Variants in CIMAP3 observed in about 807,000 individuals in gnomAD.
CIMAP3 encodes ciliary microtubule associated protein 3.
the CIMAP3 span, among the ~76,000 whole-genome samples, chr1:111,342,822 G>A: frequency 6.6e-6 from 1 of 152,234 alleles, no homozygotes; most frequent in Admixed American, 6.5e-5. Context: ...GCTTGTTCTG[G>A]GCAGAATGGC....
the CIMAP3 span, among the ~76,000 whole-genome samples, chr1:111,329,751 AC>A: frequency 1.3e-5 from 2 of 151,614 alleles, no homozygotes; most frequent in African/African-American, 2.4e-5. Context: ...ACAGGGTTTC[AC>A]CACATAGGCC....
At chr1:111,342,544 C>T in the CIMAP3 span, among the ~76,000 whole-genome samples, 1 of 152,196 alleles carries the variant, frequency 6.6e-6, no homozygotes, top group East Asian at 1.9e-4. Context: ...CTTCCTACAG[C>T]TTTGCACTGC....
At chr1:111,338,710 C>G in the CIMAP3 span, among the ~76,000 whole-genome samples, 1 of 151,916 alleles carries the variant, frequency 6.6e-6, no homozygotes, top group African/African-American at 2.4e-5. Context: ...TGGCAATAAT[C>G]AATAGCTTAC....
chr1:111,325,485 C>G, the CIMAP3 span, among the ~76,000 whole-genome samples: 1 of 152,126 alleles, frequency 6.6e-6, no homozygotes, highest in Non-Finnish European at 1.5e-5. Context: ...CTCTTTCTCT[C>G]TTCTCCAGAA....
the CIMAP3 span, among the ~76,000 whole-genome samples, chr1:111,332,649 G>A: frequency 2.0e-5 from 3 of 152,188 alleles, no homozygotes; most frequent in African/African-American, 7.2e-5. Flanking sequence ...TGGTCTGGAG[G>A]TATGCACAGG....
At chr1:111,348,713 A>T in the CIMAP3 span, 1 of 1,432,128 alleles carries the variant, frequency 7.0e-7, no homozygotes, top group African/African-American at 1.4e-5. Flanking sequence ...GTACGTAATA[A>T]AAGAAGCACA....
the CIMAP3 span, chr1:111,352,908 A>AGAG: frequency 6.6e-6 from 1 of 152,222 alleles, no homozygotes; most frequent in African/African-American, 2.4e-5. Flanking sequence ...TAAAATAGTA[A>AGAG]TCTGATTTGA....
At chr1:111,348,167 T>C in the CIMAP3 span, among the ~76,000 whole-genome samples, 2 of 152,326 alleles carry the variant, frequency 1.3e-5, no homozygotes, top group Non-Finnish European at 2.9e-5. Flanking sequence ...GATCCTAATC[T>C]CTTATTGGAC....
the CIMAP3 span, chr1:111,346,774 A>C: frequency 6.4e-7 from 1 of 1,558,724 alleles, no homozygotes; most frequent in South Asian, 1.1e-5. Flanking sequence ...GCCCCCCTCC[A>C]GGAGTTTGGC....
At chr1:111,346,614 G>C in the CIMAP3 span, 1 of 1,613,748 alleles carries the variant, frequency 6.2e-7, no homozygotes, top group South Asian at 1.1e-5. Flanking sequence ...TCGTTTCCTT[G>C]GCAACGCAGT....
the CIMAP3 span, among the ~76,000 whole-genome samples, chr1:111,340,036 C>T: frequency 1.3e-5 from 2 of 151,864 alleles, no homozygotes; most frequent in Non-Finnish European, 2.9e-5. Context: ...GAACAGAGCC[C>T]TCAGGAATAA....
At chr1:111,339,694 T>G in the CIMAP3 span, among the ~76,000 whole-genome samples, 9 of 151,808 alleles carry the variant, frequency 5.9e-5, no homozygotes, top group Admixed American at 5.9e-4. Context: ...CACTGCTCAA[T>G]GAAATTAAAG....
chr1:111,328,119 CA>C, the CIMAP3 span, among the ~76,000 whole-genome samples: 1 of 152,152 alleles, frequency 6.6e-6, no homozygotes, highest in Non-Finnish European at 1.5e-5. Flanking sequence ...AAAAGTCATT[CA>C]GAAGCATATT....
chr1:111,334,012 T>C, the CIMAP3 span, among the ~76,000 whole-genome samples: 1 of 152,244 alleles, frequency 6.6e-6, no homozygotes, highest in South Asian at 2.1e-4. Context: ...ATTTTTACTT[T>C]CATTAATAGC....
chr1:111,331,574 T>C, the CIMAP3 span, among the ~76,000 whole-genome samples: 1,068 of 152,266 alleles, frequency 7.0e-3, 11 homozygotes, highest in African/African-American at 0.024. Context: ...TTTGTTAAAT[T>C]TCTTATTCAA....
the CIMAP3 span, among the ~76,000 whole-genome samples, chr1:111,327,670 G>T: frequency 1.3e-5 from 2 of 151,814 alleles, no homozygotes; most frequent in Non-Finnish European, 2.9e-5. Flanking sequence ...AGTTTCTGAT[G>T]GTTATTTTTA....
chr1:111,346,406 A>C, the CIMAP3 span: 1 of 496,774 alleles, frequency 2.0e-6, no homozygotes, highest in Non-Finnish European at 3.6e-6. Flanking sequence ...TCAACCCTGC[A>C]GCCCCTACAG....
At chr1:111,324,884 GT>G in the CIMAP3 span, 1 of 984,092 alleles carries the variant, frequency 1.0e-6, no homozygotes, top group African/African-American at 1.7e-5. Context: ...TGGAACTTTG[GT>G]AATGGTAATC....
the CIMAP3 span, chr1:111,351,500 G>A: frequency 3.1e-5 from 15 of 478,068 alleles, no homozygotes; most frequent in East Asian, 5.2e-4. Context: ...AGTGCACAGT[G>A]CTATCTCCAT....
Sources: gnomAD v4.1 joint callset for allele counts (sites outside exome capture counted in the v4.1 genomes callset) on GRCh38, gnomAD v4.1.1 for gene constraint, MANE v1.5 for transcripts, NCBI Gene and HGNC (gene_info 2026-07-23, HGNC 2026-07-21) for gene names.